Variants in AKAP6 observed in about 807,000 individuals in gnomAD.
The protein encoded by AKAP6 is A-kinase anchor protein 6.
In AKAP6, 58 loss-of-function variants were observed where a neutral mutation model predicts 188.5. That is an observed-to-expected ratio of 0.31 (90% confidence interval 0.25 to 0.38). The LOEUF (loss-of-function observed/expected upper bound fraction) is 0.38, where lower values mean the gene tolerates loss of function less well. AKAP6 is among the 10% of genes least tolerant of loss of function. AKAP6 has a pLI of 1.00. For synonymous variants in AKAP6, 989 were observed against 998.6 expected, an observed-to-expected ratio of 0.99 and a Z score of 0.18; for missense variants, 2,710 against 2,740.0, an observed-to-expected ratio of 0.99 and a Z score of 0.24.
chr14:32,494,648 G>A (rs1880215170), intron 2 of AKAP6, among the ~76,000 whole-genome samples: 1 of 152,080 alleles, frequency 6.6e-6, no homozygotes, highest in African/African-American at 2.4e-5. Flanking sequence ...ACTTCCTGGG[G>A]AATGATGCAC....
chr14:32,456,064 G>A lies in AKAP6; in HGVS notation c.324+22247G>A, dbSNP rs73261469. ...TTTTTTCGGTGGTAGAGGAGCATAT[G>A]TAGTAAAGGACAGATATATATGCAT... On this transcript the variant is annotated intron_variant, in intron 2 of 13. Transcript: ENST00000280979. Among the ~76,000 whole-genome samples, 1,187 of 152,116 alleles carry A rather than the reference G, an allele frequency of 7.8e-3. 19 individuals are homozygous for A. Among genetic ancestry groups the A allele is most frequent in the African/African-American group, 0.027 (1,101 of 41,502 alleles).
At chr14:32,718,614 T>C (rs2030359428) in intron 9 of AKAP6, among the ~76,000 whole-genome samples, 1 of 152,206 alleles carries the variant, frequency 6.6e-6, no homozygotes, top group Admixed American at 6.5e-5. Flanking sequence ...TCACAGAAGC[T>C]TTTCTTGTGT....
At chr14:32,522,647 C>G (rs1167397953) in intron 2 of AKAP6, among the ~76,000 whole-genome samples, 1 of 152,182 alleles carries the variant, frequency 6.6e-6, no homozygotes, top group Non-Finnish European at 1.5e-5. Context: ...GAGATACCAT[C>G]TCACACCAGT....
chr14:32,577,295 C>T, intron 5 of AKAP6, 53 bp downstream of exon 5: 1 of 1,576,204 alleles, frequency 6.3e-7, no homozygotes, highest in Non-Finnish European at 8.6e-7. Context: ...TTTTAATGTA[C>T]TGCTTGTTTG....
chr14:32,373,671 T>G (rs937335600), intron 1 of AKAP6: 3 of 152,202 alleles, frequency 2.0e-5, no homozygotes, highest in Non-Finnish European at 2.9e-5. Context: ...TAAACTAAGT[T>G]TCTCCCGAAG....
At chr14:32,759,831 C>G (rs1001120529) in intron 11 of AKAP6, among the ~76,000 whole-genome samples, 1 of 152,112 alleles carries the variant, frequency 6.6e-6, no homozygotes, top group South Asian at 2.1e-4. Context: ...GATCTTCCCC[C>G]ATGACCCAAA....
chr14:32,545,467 G>A lies in AKAP6; in HGVS notation c.814G>A (p.Val272Ile). ...GGAGTTTCCTGAGCTTATCCGAAGT[G>A]TTGGTTTACTTACGGTAGCTGCTGA... ...EKEFPELIRS[V>I]GLLTVAADSI... is the part of the protein sequence containing the mutation. The change falls in exon 4 of 14, where the codon GTT becomes ATT. Residue 272 changes from valine to isoleucine, a missense_variant. Around this residue, in one of 2 missense-constraint regions of AKAP6, gnomAD observed 2,473 missense variants for 2,426.1 expected, o/e 1.02. Coordinates refer to ENST00000280979, the MANE Select transcript of AKAP6 (RefSeq NM_004274.5). 1 of 1,614,228 alleles carries A rather than the reference G, an allele frequency of 6.2e-7. No homozygotes were observed.
intron 2 of AKAP6, among the ~76,000 whole-genome samples, chr14:32,486,448 GCA>G (rs1879699844): frequency 1.3e-5 from 2 of 152,214 alleles, no homozygotes; most frequent in African/African-American, 4.8e-5. Flanking sequence ...CTATCCAAGA[GCA>G]TGGAATGTTT....
chr14:32,427,141 C>G (rs919466419), intron 1 of AKAP6, among the ~76,000 whole-genome samples: 1 of 152,072 alleles, frequency 6.6e-6, no homozygotes, highest in Non-Finnish European at 1.5e-5. Context: ...CGTGCTGTTT[C>G]CCCCCTGGGG....
At chr14:32,613,913 TGAACA>T (rs1281654030) in intron 7 of AKAP6, among the ~76,000 whole-genome samples, 3 of 152,216 alleles carry the variant, frequency 2.0e-5, no homozygotes, top group Non-Finnish European at 4.4e-5. Flanking sequence ...TAAATATGAC[TGAACA>T]GAAAACAAAA....
chr14:32,600,705 G>T lies in AKAP6; in HGVS notation c.2643G>T (p.Trp881Cys). 6.2e-7 allele frequency: 1 copy of T among 1,613,672 alleles called. No individual in the cohort carries two copies. Among genetic ancestry groups the T allele is most frequent in the Non-Finnish European group, 8.5e-7 (1 of 1,179,838 alleles). Residue 881 changes from tryptophan (W) to cysteine (C), a missense_variant, in exon 7 of 14, where the codon TGG (tryptophan) becomes TGT (cysteine). Transcript: ENST00000280979. ...GGCAAATCAAACGGCAGCACAGCTG[G>T]ATTCTCAGGGCTCTGGATACCATCA... The part of the protein sequence containing the change: ...LQRQIKRQHS[W>C]ILRALDTIKA...
chr14:32,589,765 C>T (rs970643825), intron 5 of AKAP6, among the ~76,000 whole-genome samples: 26 of 151,870 alleles, frequency 1.7e-4, no homozygotes, highest in Non-Finnish European at 2.6e-4. Context: ...ATTAGAATGC[C>T]GGGGAAACAC....
chr14:32,811,128 A>G lies in AKAP6; in HGVS notation c.3589-10274A>G, dbSNP rs535689466. ...GTGGTGGGCGCCTGTTGTCCCAGCT[A>G]CTGGGGAGGCTGAGGCAGGAGAATG... On this transcript the variant is annotated intron_variant, in intron 12 of 13. Coordinates refer to ENST00000280979, the MANE Select transcript of AKAP6 (RefSeq NM_004274.5). Among the ~76,000 whole-genome samples, 29 of 151,592 alleles carry G rather than the reference A, an allele frequency of 1.9e-4. No homozygotes were observed. In the South Asian group the frequency reaches 5.0e-3, roughly 26 times the overall value.
chr14:32,828,349 C>T (rs2268952), intron 13 of AKAP6, among the ~76,000 whole-genome samples: 11,905 of 152,186 alleles, frequency 0.078, 554 homozygotes, highest in South Asian at 0.22. Flanking sequence ...TTGCACTAGA[C>T]AATACAGGTA....
chr14:32,340,622 T>A (rs1886859204), intron 1 of AKAP6, among the ~76,000 whole-genome samples: 2 of 152,388 alleles, frequency 1.3e-5, no homozygotes, highest in African/African-American at 4.8e-5. Context: ...TTCCTTAGTG[T>A]GCTCATGTAC....
chr14:32,646,578 A>G (rs1013311694), intron 7 of AKAP6, among the ~76,000 whole-genome samples: 1 of 152,190 alleles, frequency 6.6e-6, no homozygotes, highest in Non-Finnish European at 1.5e-5. Flanking sequence ...AGATGTCCAG[A>G]TTTCAATGAA....
In AKAP6 at chr14:32,421,687, C is replaced by T. The variant is rs185255109; in HGVS notation, c.-34-11773C>T. ...CTCTGCTAATCCTTGACTGCCCGCT[C>T]ATATTTAGGAGTAAAAGACTAGAAA... is the stretch of plus-strand genomic sequence containing the variant. On this transcript the variant is annotated intron_variant, in intron 1 of 13. Transcript: ENST00000280979. Among the ~76,000 whole-genome samples the T allele has an allele frequency of 2.9e-3, 440 of 152,206 alleles. 4 individuals are homozygous for T. The highest frequency in any genetic ancestry group is 9.3e-3 in the African/African-American group (385 of 41,516).
intron 11 of AKAP6, among the ~76,000 whole-genome samples, chr14:32,746,018 C>T (rs2031895744): frequency 6.6e-6 from 1 of 152,240 alleles, no homozygotes; most frequent in African/African-American, 2.4e-5. Flanking sequence ...GCTCTTATGT[C>T]AGCTTATGGT....
intron 2 of AKAP6, among the ~76,000 whole-genome samples, chr14:32,439,696 A>C (rs1255680176): frequency 1.3e-5 from 2 of 152,166 alleles, no homozygotes; most frequent in Non-Finnish European, 2.9e-5. Context: ...GGGTTGATTC[A>C]TGGGCATATC....
Sources: allele counts gnomAD v4.1 joint callset (sites outside exome capture counted in the v4.1 genomes callset), GRCh38; gene constraint gnomAD v4.1.1; regional missense constraint gnomAD v4.1.1; transcripts MANE v1.5; gene names NCBI Gene and HGNC (gene_info 2026-07-23, HGNC 2026-07-21).